The following AGBL2 variants were observed in gnomAD, a reference collection of about 807,000 sequenced individuals.
AGBL2 encodes the protein AGBL carboxypeptidase 2, also known as cytosolic carboxypeptidase 2.
Under a neutral mutation model 103.0 loss-of-function variants are expected in AGBL2, and 87 were observed. The ratio of observed to expected loss-of-function variants is 0.84; its 90% CI spans 0.71 to 1.01. The LOEUF (loss-of-function observed/expected upper bound fraction) is 1.01. Ranked by LOEUF, AGBL2 falls within the 50% of genes least tolerant of loss-of-function variation. AGBL2 has a pLI of 0.00. For synonymous variants in AGBL2, 335 were observed against 356.7 expected, an observed-to-expected ratio of 0.94 and a Z score of 0.69; for missense variants, 904 against 1,023.5, an observed-to-expected ratio of 0.88 and a Z score of 1.59.
chr11:47,703,717 G>A (rs2097506598), intron 7 of AGBL2, among the ~76,000 whole-genome samples: 1 of 152,070 alleles, frequency 6.6e-6, no homozygotes. Flanking sequence ...CTGAGGTTGG[G>A]GAGTTCGAGA....
At chr11:47,682,237 G>A (rs2097404149) in intron 11 of AGBL2, 142 bp from the exon 12 acceptor site, 1 of 877,082 alleles carries the variant, frequency 1.1e-6, no homozygotes, top group South Asian at 1.7e-5. Context: ...CTAATTTGGA[G>A]GGATGTTAAC....
chr11:47,667,432 G>A (rs1015798845), intron 16 of AGBL2, 139 bp downstream of exon 16: 4 of 1,133,184 alleles, frequency 3.5e-6, no homozygotes, highest in African/African-American at 3.1e-5. Context: ...GAAGGGTTCT[G>A]ATCGCAAAAC....
At chr11:47,710,192 A>G in intron 4 of AGBL2, 185 bp downstream of exon 4, 1 of 701,394 alleles carries the variant, frequency 1.4e-6, no homozygotes, top group Non-Finnish European at 2.3e-6. Flanking sequence ...CCGGCTAGAA[A>G]ATACAGTATT....
chr11:47,666,116 G>A (rs1193239009), intron 17 of AGBL2, among the ~76,000 whole-genome samples: 3 of 151,306 alleles, frequency 2.0e-5, no homozygotes, highest in Non-Finnish European at 4.4e-5. Flanking sequence ...GATTTTGACT[G>A]GGCATGGTAG....
intron 8 of AGBL2, among the ~76,000 whole-genome samples, chr11:47,696,010 C>CAAAA (rs1171058500): frequency 1.2e-3 from 21 of 17,222 alleles, no homozygotes; most frequent in Non-Finnish European, 1.7e-3. Context: ...ACTAAAAATA[C>CAAAA]AAAAAAAAAA....
At chr11:47,664,249 G>GT (rs1320603558) in intron 17 of AGBL2, among the ~76,000 whole-genome samples, 2 of 151,894 alleles carry the variant, frequency 1.3e-5, no homozygotes, top group Non-Finnish European at 2.9e-5. Flanking sequence ...TACCAAAACT[G>GT]TTTTTTTATT....
At chr11:47,663,262 A>T (rs2097332614) in intron 17 of AGBL2, 150 bp from the exon 18 acceptor site, 1 of 592,560 alleles carries the variant, frequency 1.7e-6, no homozygotes, top group African/African-American at 1.9e-5. Context: ...AATTCAAAGA[A>T]GGAAAAACAA....
At chr11:47,692,791 A>AGATTTATCCCTATGTTTT (rs1362185952) in intron 8 of AGBL2, among the ~76,000 whole-genome samples, 1 of 151,442 alleles carries the variant, frequency 6.6e-6, no homozygotes. Flanking sequence ...AAGGTCATGA[A>AGATTTATCCCTATGTTTT]GATTTATCCC....
rs1235311907 is a variant in AGBL2 at position 47,667,575 on chromosome 11, G to T, written c.2336C>A (p.Thr779Asn). The change falls in exon 16 of 19, where the codon ACC becomes AAC. Residue 779 changes from threonine to asparagine, a missense_variant. Transcript: ENST00000525123. ...TAGCCAGCAAGTCTTTCTTACTGAG[G>T]TATCTTCTGTTAACTTTAACTTCTG... ...LMQKLKLTEDTSEKAGFASTL... is the reference protein window; with the variant it reads ...LMQKLKLTEDNSEKAGFASTL... The T allele has an allele frequency of 6.2e-7, 1 of 1,613,636 alleles. No homozygotes were observed. The highest frequency in any genetic ancestry group is 8.5e-7 in the Non-Finnish European group (1 of 1,179,972).
intron 14 of AGBL2, among the ~76,000 whole-genome samples, chr11:47,671,918 C>T (rs895434322): frequency 5.3e-5 from 8 of 152,202 alleles, no homozygotes; most frequent in Non-Finnish European, 4.4e-5. Flanking sequence ...CACTCACAGT[C>T]TGCTTTCCTT....
Position 47,690,404 on chromosome 11 carries a change from A to T in AGBL2, c.1303T>A (p.Tyr435Asn), listed in dbSNP as rs771199684. 6.2e-7 allele frequency: 1 copy of T among 1,614,172 alleles called. No individual in the cohort carries two copies. The highest frequency in any genetic ancestry group is 8.5e-7 in the Non-Finnish European group (1 of 1,180,044). Residue 435 changes from tyrosine to asparagine, a missense_variant, in exon 10 of 19, where the codon TAC becomes AAC. Coordinates refer to ENST00000525123, the MANE Select transcript of AGBL2 (RefSeq NM_024783.4). ...GATGGGTTGGTGATGGTGAGCAAGT[A>T]AACGGTATTTCCTGCTAGGCTCCTG... ...LCRSLAGNTVYLLTITNPSQT... is the reference protein window; with the variant it reads ...LCRSLAGNTVNLLTITNPSQT...
chr11:47,711,424 C>T (rs1180602705), intron 3 of AGBL2, among the ~76,000 whole-genome samples: 2 of 152,212 alleles, frequency 1.3e-5, no homozygotes, highest in Admixed American at 6.5e-5. Flanking sequence ...TTGCTTGCCA[C>T]CCCTCCCCGG....
Position 47,705,924 on chromosome 11 carries a change from A to G in AGBL2, c.233-7T>C, listed in dbSNP as rs200267012. On this transcript the variant is annotated splice_polypyrimidine_tract_variant and splice_region_variant and intron_variant, in intron 4 of 18. Coordinates refer to ENST00000525123, the MANE Select transcript of AGBL2 (RefSeq NM_024783.4). The stretch of plus-strand genomic sequence containing the variant: ...GAAGATAAACTGATAGGCCCTAGAA[A>G]GAGGAAGAGGAGGCACCCTTGGTGT... The G allele has an allele frequency of 3.8e-5, 62 of 1,613,960 alleles. No individual in the cohort carries two copies. In the East Asian group the frequency reaches 4.7e-4, roughly 12 times the overall value.
chr11:47,674,568 A>C (rs1290157206), intron 14 of AGBL2, among the ~76,000 whole-genome samples: 5 of 4,558 alleles, frequency 1.1e-3, no homozygotes, highest in African/African-American at 3.3e-3. Flanking sequence ...CTCCGTCTCA[A>C]AAAAAAAAAA....
At chr11:47,673,593 C>A (rs888119488) in intron 14 of AGBL2, among the ~76,000 whole-genome samples, 7 of 151,460 alleles carry the variant, frequency 4.6e-5, no homozygotes, top group Admixed American at 6.6e-5. Flanking sequence ...CCGTTGCACT[C>A]CAGCCTGGGC....
intron 8 of AGBL2, among the ~76,000 whole-genome samples, chr11:47,695,475 C>A (rs1388139230): frequency 6.1e-3 from 460 of 75,870 alleles, no homozygotes; most frequent in South Asian, 6.9e-3. Context: ...AACTCTGTCT[C>A]AAAAAAAAAA....
At chr11:47,691,507 A>G (rs2153804302) in intron 9 of AGBL2, among the ~76,000 whole-genome samples, 1 of 149,786 alleles carries the variant, frequency 6.7e-6, no homozygotes, top group South Asian at 2.1e-4. Flanking sequence ...GGAGATCGAG[A>G]CCATCCTGGC....
chr11:47,714,557 G>T (rs2097544748), intron 2 of AGBL2, 61 bp downstream of exon 2: 3 of 1,560,986 alleles, frequency 1.9e-6, no homozygotes, highest in Non-Finnish European at 8.8e-7. Context: ...TTTCTGTGGA[G>T]TTCCCGAAGA....
At chr11:47,693,718 AT>A (rs2097456704) in intron 8 of AGBL2, among the ~76,000 whole-genome samples, 1 of 152,102 alleles carries the variant, frequency 6.6e-6, no homozygotes, top group Non-Finnish European at 1.5e-5. Flanking sequence ...TTCCATATAA[AT>A]TTGAGGAACA....
Sources: allele counts gnomAD v4.1 joint callset (sites outside exome capture counted in the v4.1 genomes callset), GRCh38; gene constraint gnomAD v4.1.1; transcripts MANE v1.5; gene names NCBI Gene and HGNC (gene_info 2026-07-23, HGNC 2026-07-21).